Variants in CSMD3 observed in about 807,000 individuals in gnomAD.
CSMD3 encodes the protein CUB and sushi domain-containing protein 3.
Under a neutral mutation model 435.2 loss-of-function variants are expected in CSMD3, and 177 were observed. That is an observed-to-expected ratio of 0.41 (90% CI 0.36 to 0.46). The LOEUF (loss-of-function observed/expected upper bound fraction) is 0.46, where lower values mean the gene tolerates loss of function less well. Among genes scored for constraint, CSMD3 ranks in the 20% least tolerant of loss-of-function variants. The pLI is 0.34. For missense variants in CSMD3, 4,265 were observed against 4,504.6 expected (o/e 0.95, Z 1.52); for synonymous variants, 1,656 against 1,520.5 (o/e 1.09, Z -2.07).
chr8:113,282,855 CAA>C lies in CSMD3; in HGVS notation c.402-4153_402-4152del. ...AACTGCACTATAAGGCCGTAGTCAC[CAA>C]AAGAGTGTGGTGCTAACATAAAAAT... On this transcript the variant is annotated intron_variant, in intron 2 of 70. Transcript: ENST00000297405. Among the ~76,000 whole-genome samples the C allele has an allele frequency of 1.3e-5, 2 of 152,054 alleles. 1 individual carries two copies. The highest frequency in any genetic ancestry group is 2.9e-5 in the Non-Finnish European group (2 of 67,980).
intron 18 of CSMD3, among the ~76,000 whole-genome samples, chr8:112,653,791 C>A (rs146442684): frequency 0.011 from 1,670 of 151,734 alleles, 35 homozygotes; most frequent in African/African-American, 0.038. Context: ...TCCTGAGTAG[C>A]TTGGATTACA....
At chr8:113,179,476 T>A (rs540504453) in intron 3 of CSMD3, among the ~76,000 whole-genome samples, 1 of 151,822 alleles carries the variant, frequency 6.6e-6, no homozygotes, top group African/African-American at 2.4e-5. Context: ...CAATTGCTCC[T>A]CTCCGAATCA....
intron 31 of CSMD3, among the ~76,000 whole-genome samples, chr8:112,480,788 T>C (rs754389132): frequency 2.6e-5 from 4 of 152,188 alleles, no homozygotes; most frequent in Non-Finnish European, 4.4e-5. Flanking sequence ...TCTTCCTAAA[T>C]TACCCAGTTT....
At chr8:112,610,192 A>G (rs1646338579) in intron 22 of CSMD3, among the ~76,000 whole-genome samples, 1 of 152,158 alleles carries the variant, frequency 6.6e-6, no homozygotes, top group African/African-American at 2.4e-5. Flanking sequence ...CACACAGTGT[A>G]ACTATGTGAG....
intron 5 of CSMD3, among the ~76,000 whole-genome samples, chr8:113,027,658 A>C (rs905876381): frequency 1.3e-5 from 2 of 152,144 alleles, no homozygotes; most frequent in Admixed American, 6.5e-5. Flanking sequence ...GATATTACAA[A>C]GTAGTTACAA....
intron 1 of CSMD3, among the ~76,000 whole-genome samples, chr8:113,317,255 A>T (rs2093917370): frequency 6.6e-6 from 1 of 152,154 alleles, no homozygotes. Flanking sequence ...GCCTTAGGTT[A>T]ATTAGCTATC....
rs538645624 is a variant in CSMD3 at position 112,226,355 on chromosome 8, C to T, written c.10965-1425G>A. On this transcript the variant is annotated intron_variant, in intron 70 of 70. Coordinates refer to ENST00000297405, the MANE Select transcript of CSMD3 (RefSeq NM_198123.2). ...TCATGAAGATACAAAATAATTGCCC[C>T]TTCTTAATATTCAACAACTTGAAGG... Among the ~76,000 whole-genome samples, 31 of 152,052 alleles carry T rather than the reference C, an allele frequency of 2.0e-4. No individual in the cohort carries two copies. In the East Asian group the frequency reaches 5.0e-3, roughly 25 times the overall value.
chr8:112,325,554 A>G (rs541404329), intron 45 of CSMD3, among the ~76,000 whole-genome samples: 5 of 152,258 alleles, frequency 3.3e-5, no homozygotes, highest in South Asian at 2.1e-4. Flanking sequence ...CTAACTCTTT[A>G]GGGCATAATC....
chr8:112,974,705 A>G (rs1377227202), intron 7 of CSMD3, among the ~76,000 whole-genome samples: 1 of 151,848 alleles, frequency 6.6e-6, no homozygotes, highest in Non-Finnish European at 1.5e-5. Flanking sequence ...CTCATTAAAG[A>G]GAATCAAAGT....
chr8:112,242,102 T>G (rs1306783653), intron 65 of CSMD3, among the ~76,000 whole-genome samples: 1 of 152,146 alleles, frequency 6.6e-6, no homozygotes, highest in Admixed American at 6.6e-5. Flanking sequence ...TGGAGACAGT[T>G]GCCTCCAACA....
At chr8:112,904,031 T>A (rs528191609) in intron 10 of CSMD3, among the ~76,000 whole-genome samples, 44 of 151,314 alleles carry the variant, frequency 2.9e-4, no homozygotes, top group Non-Finnish European at 4.0e-4. Context: ...CTGATGTAGG[T>A]CCTTCTTAAG....
At chr8:113,069,057 G>A (rs569467256) in intron 5 of CSMD3, among the ~76,000 whole-genome samples, 1 of 151,758 alleles carries the variant, frequency 6.6e-6, no homozygotes, top group Non-Finnish European at 1.5e-5. Flanking sequence ...AAAAAAGGAG[G>A]ATTAGAGACG....
At chr8:112,874,178 T>C (rs1022408250) in intron 10 of CSMD3, among the ~76,000 whole-genome samples, 10 of 152,188 alleles carry the variant, frequency 6.6e-5, no homozygotes, top group Admixed American at 1.3e-4. Context: ...CCAGTAGTCA[T>C]TTAGGAGCAG....
chr8:112,586,958 T>A, intron 23 of CSMD3, 108 bp downstream of exon 23: 1 of 658,920 alleles, frequency 1.5e-6, no homozygotes. Flanking sequence ...CAACTTACGG[T>A]TAATACTATA....
chr8:113,007,738 T>A (rs2086109215), intron 6 of CSMD3, among the ~76,000 whole-genome samples: 1 of 151,924 alleles, frequency 6.6e-6, no homozygotes, highest in South Asian at 2.1e-4. Context: ...TTATTTGAAT[T>A]TGTCAGTATA....
chr8:113,304,982 T>C (rs1229510725), intron 2 of CSMD3, among the ~76,000 whole-genome samples: 1 of 146,594 alleles, frequency 6.8e-6, no homozygotes, highest in Non-Finnish European at 1.5e-5. Flanking sequence ...TAAAAAATGA[T>C]GAGTTCATGT....
intron 7 of CSMD3, among the ~76,000 whole-genome samples, chr8:112,967,316 T>C (rs1047935945): frequency 6.6e-6 from 1 of 151,930 alleles, no homozygotes; most frequent in Non-Finnish European, 1.5e-5. Context: ...TCCCTGCTAA[T>C]GTCCACCAAT....
At chr8:112,608,535 A>C (rs1305019238) in intron 22 of CSMD3, among the ~76,000 whole-genome samples, 1 of 152,030 alleles carries the variant, frequency 6.6e-6, no homozygotes, top group African/African-American at 2.4e-5. Context: ...AAATTATTAC[A>C]AAACAAAACT....
At chr8:113,016,330 T>C (rs2086457381) in intron 6 of CSMD3, among the ~76,000 whole-genome samples, 1 of 151,860 alleles carries the variant, frequency 6.6e-6, no homozygotes, top group African/African-American at 2.4e-5. Flanking sequence ...TATTTAAAAT[T>C]ATAATATCTA....
Sources: allele counts gnomAD v4.1 joint callset (sites outside exome capture counted in the v4.1 genomes callset), GRCh38; gene constraint gnomAD v4.1.1; transcripts MANE v1.5; gene names NCBI Gene and HGNC (gene_info 2026-07-23, HGNC 2026-07-21).